The following NTM variants were observed in gnomAD, a reference collection of about 807,000 sequenced individuals.
NTM encodes neurotrimin, also known as IgLON family member 2.
NTM carries 13 observed loss-of-function variants against 42.1 expected under a neutral mutation model. The observed-to-expected ratio is 0.31, with a 90% CI of 0.20 to 0.49. The LOEUF is 0.49. NTM is among the 20% of genes least tolerant of loss of function. The probability of loss-of-function intolerance (pLI) is 0.99; values close to 1 mark genes in which losing one functional copy is unlikely to be tolerated. For missense variants in NTM, 373 were observed against 452.8 expected (o/e 0.82, Z 1.60); for synonymous variants, 187 against 179.2 (o/e 1.04, Z -0.35).
At chr11:131,761,897 CTG>C (rs2084270136) in intron 1 of NTM, among the ~76,000 whole-genome samples, 1 of 149,788 alleles carries the variant, frequency 6.7e-6, no homozygotes, top group East Asian at 2.0e-4. Flanking sequence ...CATGCTCTCT[CTG>C]TCTCCTCTCT....
intron 4 of NTM, among the ~76,000 whole-genome samples, chr11:132,280,001 C>CA (rs1250087021): frequency 1.3e-5 from 2 of 152,168 alleles, no homozygotes; most frequent in African/African-American, 4.8e-5. Context: ...AACAGACCGC[C>CA]ATGGTAAACA....
chr11:131,793,824 G>T (rs951791739), intron 1 of NTM, among the ~76,000 whole-genome samples: 3 of 152,156 alleles, frequency 2.0e-5, no homozygotes, highest in Non-Finnish European at 2.9e-5. Context: ...TCAGCATACG[G>T]GCTGAGGGCC....
chr11:132,046,443 G>GA (rs1406326022), intron 2 of NTM, among the ~76,000 whole-genome samples: 14 of 151,768 alleles, frequency 9.2e-5, no homozygotes, highest in Non-Finnish European at 1.8e-4. Flanking sequence ...GGCCAATGGG[G>GA]AAATCATACA....
chr11:132,149,433 C>A (rs952233817), intron 3 of NTM, among the ~76,000 whole-genome samples: 3 of 151,954 alleles, frequency 2.0e-5, no homozygotes, highest in African/African-American at 7.3e-5. Flanking sequence ...AAAACAGCAA[C>A]AACAAAAAGG....
intron 3 of NTM, among the ~76,000 whole-genome samples, chr11:132,205,372 T>C (rs2081836259): frequency 6.6e-6 from 1 of 152,160 alleles, no homozygotes; most frequent in African/African-American, 2.4e-5. Flanking sequence ...GACATAATTA[T>C]TAAAACTCAA....
intron 1 of NTM, among the ~76,000 whole-genome samples, chr11:131,673,365 C>G (rs1486385433): frequency 6.6e-6 from 1 of 152,136 alleles, no homozygotes; most frequent in Non-Finnish European, 1.5e-5. Context: ...GTGGCCTTCT[C>G]TGAGCAGGGC....
intron 1 of NTM, among the ~76,000 whole-genome samples, chr11:131,607,198 A>C (rs1176429039): frequency 6.6e-6 from 1 of 152,242 alleles, no homozygotes; most frequent in African/African-American, 2.4e-5. Context: ...TTATGGCTGG[A>C]GATTTTATGA....
chr11:131,642,220 G>A (rs2065232067), intron 1 of NTM, among the ~76,000 whole-genome samples: 1 of 152,188 alleles, frequency 6.6e-6, no homozygotes, highest in South Asian at 2.1e-4. Context: ...AGACATGAAG[G>A]TGTGGGAAGC....
intron 3 of NTM, among the ~76,000 whole-genome samples, chr11:132,211,472 C>T (rs1234660845): frequency 6.6e-6 from 1 of 152,172 alleles, no homozygotes; most frequent in African/African-American, 2.4e-5. Flanking sequence ...AACCCAAATA[C>T]TTTATGCCCA....
intron 2 of NTM, among the ~76,000 whole-genome samples, chr11:132,053,220 T>A (rs919294693): frequency 6.6e-6 from 1 of 152,122 alleles, no homozygotes; most frequent in African/African-American, 2.4e-5. Context: ...AGAGATTGAG[T>A]AATGTGTCCA....
At chr11:131,764,195 A>G (rs2084740910) in intron 1 of NTM, among the ~76,000 whole-genome samples, 1 of 152,108 alleles carries the variant, frequency 6.6e-6, no homozygotes, top group Non-Finnish European at 1.5e-5. Context: ...TCTTTAATAG[A>G]TTTCTTCCCA....
intron 2 of NTM, among the ~76,000 whole-genome samples, chr11:132,085,498 C>T (rs969823774): frequency 7.2e-5 from 11 of 152,286 alleles, no homozygotes; most frequent in African/African-American, 2.6e-4. Flanking sequence ...AGTATCTGAC[C>T]CGTATAATTT....
intron 3 of NTM, among the ~76,000 whole-genome samples, chr11:132,181,208 C>T (rs2077528283): frequency 6.6e-6 from 1 of 152,210 alleles, no homozygotes; most frequent in African/African-American, 2.4e-5. Context: ...ACCACTCCAT[C>T]TCAGTTTCTT....
intron 3 of NTM, among the ~76,000 whole-genome samples, chr11:132,156,826 A>G (rs1189998559): frequency 6.6e-6 from 1 of 152,210 alleles, no homozygotes; most frequent in East Asian, 1.9e-4. Context: ...GAGATAGGGA[A>G]ATTGTCCTGG....
intron 3 of NTM, among the ~76,000 whole-genome samples, chr11:132,189,534 C>T (rs747201550): frequency 1.3e-5 from 2 of 152,062 alleles, no homozygotes; most frequent in Non-Finnish European, 2.9e-5. Flanking sequence ...AAGAAGGAAC[C>T]GAACTTGGAC....
intron 3 of NTM, among the ~76,000 whole-genome samples, chr11:132,205,322 T>A (rs553093443): frequency 1.3e-5 from 2 of 152,314 alleles, no homozygotes; most frequent in South Asian, 2.1e-4. Context: ...TAATAGGATA[T>A]CCACTGTGTG....
chr11:132,234,180 G>A (rs553226060), intron 4 of NTM, among the ~76,000 whole-genome samples: 1 of 152,328 alleles, frequency 6.6e-6, no homozygotes, highest in South Asian at 2.1e-4. Flanking sequence ...TCACTGGTCT[G>A]CAGTTGGTTC....
In NTM at chr11:131,422,042, T is replaced by C. The variant is rs538398403; in HGVS notation, c.82+51154T>C. On this transcript the variant is annotated intron_variant, in intron 1 of 8. Transcript: ENST00000683400. Reference sequence around the variant, plus strand: ...TGGAATAACACTGAGAGTTTGCAAGTTCAAATCTGAGCCCTGCATTTTGTC... The same window carrying C: ...TGGAATAACACTGAGAGTTTGCAAGCTCAAATCTGAGCCCTGCATTTTGTC... Among the ~76,000 whole-genome samples, 12 of 152,308 alleles carry C rather than the reference T, an allele frequency of 7.9e-5. 1 individual carries two copies. The East Asian group carries it at 1.7e-3, about 22-fold the overall frequency.
At chr11:131,374,162 G>A (rs554864253) in intron 1 of NTM, among the ~76,000 whole-genome samples, 1 of 152,344 alleles carries the variant, frequency 6.6e-6, no homozygotes, top group African/African-American at 2.4e-5. Flanking sequence ...TAAGGGGAGG[G>A]CGTCAGGGAG....
Sources: gnomAD v4.1 joint callset for allele counts (sites outside exome capture counted in the v4.1 genomes callset) on GRCh38, gnomAD v4.1.1 for gene constraint, MANE v1.5 for transcripts, NCBI Gene and HGNC (gene_info 2026-07-23, HGNC 2026-07-21) for gene names.